FAM168B: variants seen among roughly 807,000 people sequenced by gnomAD.
FAM168B encodes family with sequence similarity 168 member B, also known as myelin-associated neurite-outgrowth inhibitor.
A neutral mutation model predicts 21.8 loss-of-function variants in FAM168B; 19 were observed. The ratio of observed to expected loss-of-function variants is 0.87; its 90% confidence interval spans 0.61 to 1.28. The LOEUF (loss-of-function observed/expected upper bound fraction) is 1.28. Among genes scored for constraint, FAM168B ranks in the 50% most tolerant of loss-of-function variants. The pLI is 0.00. For synonymous variants in FAM168B, 126 were observed against 104.8 expected, an observed-to-expected ratio of 1.20 and a Z score of -1.24; for missense variants, 233 against 263.1, an observed-to-expected ratio of 0.89 and a Z score of 0.79.
chr2:131,074,731 G>A (rs1480561093), intron 2 of FAM168B, among the ~76,000 whole-genome samples: 1 of 152,090 alleles, frequency 6.6e-6, no homozygotes, highest in Middle Eastern at 3.2e-3. Flanking sequence ...AAAACAGGGG[G>A]GATCTGAGTG....
chr2:131,051,915 A>T lies in FAM168B; in HGVS notation c.*550T>A. On this transcript the variant is annotated 3_prime_UTR_variant, in exon 7 of 7. Coordinates refer to ENST00000389915, the MANE Select transcript of FAM168B (RefSeq NM_001009993.4). ...AGTGCCAAAGAAACAGGTCGCTGAA[A>T]ACTAAAATGTCCACATCCCTAACTG... The T allele has an allele frequency of 1.0e-6, 1 of 985,502 alleles. No homozygotes were observed. The highest frequency in any genetic ancestry group is 1.2e-6 in the Non-Finnish European group (1 of 829,936). The allele number at this position is 985,502 out of a possible 1,614,324, so 61.0% of individuals were successfully genotyped here.
chr2:131,087,556 G>A (rs1693778868), intron 1 of FAM168B, among the ~76,000 whole-genome samples: 1 of 152,206 alleles, frequency 6.6e-6, no homozygotes, highest in African/African-American at 2.4e-5. Context: ...ATGAGAACAA[G>A]CAAGATGCAT....
At chr2:131,082,499 T>A in intron 2 of FAM168B, 78 bp downstream of exon 2, 1 of 998,486 alleles carries the variant, frequency 1.0e-6, no homozygotes, top group Non-Finnish European at 1.5e-6. Context: ...CGTTTGTCAA[T>A]AGAAAGCATT....
At chr2:131,054,373 G>C (rs964667794) in intron 5 of FAM168B, among the ~76,000 whole-genome samples, 1 of 152,058 alleles carries the variant, frequency 6.6e-6, no homozygotes, top group Non-Finnish European at 1.5e-5. Context: ...CTCCAACACA[G>C]TGGCACCCAA....
intron 2 of FAM168B, among the ~76,000 whole-genome samples, chr2:131,079,944 C>G (rs1428388975): frequency 6.6e-6 from 1 of 151,856 alleles, no homozygotes; most frequent in Non-Finnish European, 1.5e-5. Flanking sequence ...TGGCAAAAAC[C>G]CATCTCTACT....
At chr2:131,054,037 C>G (rs1355879208) in intron 5 of FAM168B, among the ~76,000 whole-genome samples, 3 of 152,050 alleles carry the variant, frequency 2.0e-5, no homozygotes, top group Non-Finnish European at 2.9e-5. Flanking sequence ...AATCCCATCT[C>G]TACCAAAAGG....
intron 1 of FAM168B, among the ~76,000 whole-genome samples, chr2:131,085,201 G>A (rs1037602752): frequency 2.0e-5 from 3 of 152,156 alleles, no homozygotes; most frequent in Non-Finnish European, 4.4e-5. Context: ...AATGGCTCAT[G>A]CCTGTATTCC....
In FAM168B at chr2:131,049,912, T is replaced by C. The variant is rs188989174; in HGVS notation, c.*2553A>G. 1.0e-6 allele frequency: 1 copy of C among 985,624 alleles called. No individual in the cohort carries two copies. The highest frequency in any genetic ancestry group is 1.1e-4 in the East Asian group (1 of 8,818). 61.1% of individuals were successfully genotyped at this position (985,624 alleles called of 1,614,324 possible). On this transcript the variant is annotated 3_prime_UTR_variant, in exon 7 of 7. Coordinates refer to ENST00000389915, the MANE Select transcript of FAM168B (RefSeq NM_001009993.4). ...CGAATGTTGATAAAATTACAACCTA[T>C]GACAGTTTTGTGACTATTTCCTAAG... is the stretch of plus-strand genomic sequence containing the variant.
chr2:131,082,953 G>T (rs986067134), intron 1 of FAM168B, among the ~76,000 whole-genome samples: 1 of 152,172 alleles, frequency 6.6e-6, no homozygotes, highest in Non-Finnish European at 1.5e-5. Context: ...AGGTACGGTG[G>T]TGCACTCCTG....
intron 3 of FAM168B, among the ~76,000 whole-genome samples, chr2:131,070,534 C>T (rs919263054): frequency 2.0e-5 from 3 of 152,204 alleles, no homozygotes; most frequent in Non-Finnish European, 4.4e-5. Flanking sequence ...TAACCAGCCA[C>T]TCAAATCCTC....
chr2:131,052,018 A>C lies in FAM168B; in HGVS notation c.*447T>G. On this transcript the variant is annotated 3_prime_UTR_variant, in exon 7 of 7. Coordinates refer to ENST00000389915, the MANE Select transcript of FAM168B (RefSeq NM_001009993.4). ...GCTCTATGAAGAAATTCACTTTAAC[A>C]CTTATAACTGTAAGACTTTGCATAC... 1 of 985,634 alleles carries C rather than the reference A, an allele frequency of 1.0e-6. No homozygotes were observed. Among genetic ancestry groups the C allele is most frequent in the South Asian group, 4.7e-5 (1 of 21,286 alleles). 61.1% of individuals were successfully genotyped at this position (985,634 alleles called of 1,614,324 possible).
intron 3 of FAM168B, among the ~76,000 whole-genome samples, chr2:131,060,347 C>T (rs1297811794): frequency 6.6e-6 from 1 of 152,130 alleles, no homozygotes; most frequent in African/African-American, 2.4e-5. Context: ...TTCCCATGTA[C>T]TTGTGCTAAA....
At chr2:131,064,449 A>G (rs1190527345) in intron 3 of FAM168B, among the ~76,000 whole-genome samples, 1 of 152,180 alleles carries the variant, frequency 6.6e-6, no homozygotes, top group Non-Finnish European at 1.5e-5. Context: ...GTTACACTCA[A>G]TCAGGCACCA....
chr2:131,055,442 G>A lies in FAM168B; in HGVS notation c.305C>T (p.Thr102Met), dbSNP rs762063773. The A allele has an allele frequency of 3.1e-6, 5 of 1,608,620 alleles. No individual in the cohort carries two copies. In the South Asian group the frequency reaches 4.4e-5, roughly 14 times the overall value. ...PQQSPYAQQG[T>M]YYTQPLYAAP... ...TGCATACAGCGGCTGTGTGTAGTACGTGCCTTGCTGTGGGGAGAAGAGAGA... is the reference window on the plus strand; with the variant it reads ...TGCATACAGCGGCTGTGTGTAGTACATGCCTTGCTGTGGGGAGAAGAGAGA... The change falls in exon 5 of 7, where the codon ACG becomes ATG. Residue 102 changes from threonine to methionine, a missense_variant. Coordinates refer to ENST00000389915, the MANE Select transcript of FAM168B (RefSeq NM_001009993.4).
At chr2:131,063,963 C>T (rs1264482498) in intron 3 of FAM168B, among the ~76,000 whole-genome samples, 2 of 151,990 alleles carry the variant, frequency 1.3e-5, no homozygotes, top group Admixed American at 6.5e-5. Context: ...ATTACCTCAT[C>T]GTACCCAAAA....
chr2:131,049,867 G>A lies in FAM168B; in HGVS notation c.*2598C>T. 1 of 985,744 alleles carries A rather than the reference G, an allele frequency of 1.0e-6. No individual in the cohort carries two copies. The highest frequency in any genetic ancestry group is 1.7e-5 in the African/African-American group (1 of 57,350). The allele number at this position is 985,744 out of a possible 1,614,324, so 61.1% of individuals were successfully genotyped here. A position where few individuals can be genotyped will look rare whatever the true frequency, so the allele number is the denominator to read the frequency against. On this transcript the variant is annotated 3_prime_UTR_variant, in exon 7 of 7. Transcript: ENST00000389915. Reference sequence around the variant, plus strand: ...TTGACCCAAGTTCTATTTCTTAATTGACTTTAATTTTACTAGAAGCGAATG... The same window carrying A: ...TTGACCCAAGTTCTATTTCTTAATTAACTTTAATTTTACTAGAAGCGAATG...
intron 2 of FAM168B, among the ~76,000 whole-genome samples, chr2:131,075,424 G>A (rs1186032036): frequency 6.6e-6 from 1 of 151,998 alleles, no homozygotes; most frequent in South Asian, 2.1e-4. Context: ...GGATTTGTTT[G>A]CTGAAGATTG....
rs1691778371 is a variant in FAM168B, at chr2:131,052,974, G to T, written c.517C>A (p.His173Asn). The T allele has an allele frequency of 1.3e-6, 2 of 1,559,578 alleles. No individual in the cohort carries two copies. The highest frequency in any genetic ancestry group is 1.4e-5 in the African/African-American group (1 of 73,498). ...CGGTACGTGGGCACAGTGACCGGGT[G>T]GGGGGCGACAGGAGTTGGGGAGTGA... Reference protein sequence around the residue: ...TAHSPTPVAPHPVTVPTYRAP... With the variant: ...TAHSPTPVAPNPVTVPTYRAP... Residue 173 changes from histidine (H) to asparagine (N), a missense_variant, in exon 6 of 7, where the codon CAC becomes AAC. By Grantham distance (68) the His-to-Asn change is moderately conservative. Coordinates refer to ENST00000389915, the MANE Select transcript of FAM168B (RefSeq NM_001009993.4).
Position 131,051,451 on chromosome 2 carries a change from C to T in FAM168B, c.*1014G>A. The T allele has an allele frequency of 1.0e-6, 1 of 984,166 alleles. No homozygotes were observed. Among genetic ancestry groups the T allele is most frequent in the East Asian group, 1.1e-4 (1 of 8,764 alleles). The allele number at this position is 984,166 out of a possible 1,614,324, so 61.0% of individuals were successfully genotyped here. A position where few individuals can be genotyped will look rare whatever the true frequency, so the allele number is the denominator to read the frequency against. The stretch of plus-strand genomic sequence containing the variant: ...TGTTGGGGAAAAACAGCAATGCCTA[C>T]CTGTTTTCAGCTGATTCAAACATTT... On this transcript the variant is annotated 3_prime_UTR_variant, in exon 7 of 7. Coordinates refer to ENST00000389915, the MANE Select transcript of FAM168B (RefSeq NM_001009993.4).
Sources: gnomAD v4.1 joint callset for allele counts (sites outside exome capture counted in the v4.1 genomes callset) on GRCh38, gnomAD v4.1.1 for gene constraint, MANE v1.5 for transcripts, NCBI Gene and HGNC (gene_info 2026-07-23, HGNC 2026-07-21) for gene names.